SLC9C1: variants seen among roughly 807,000 people sequenced by gnomAD.
SLC9C1 encodes the protein solute carrier family 9 member C1.
Under a neutral mutation model 140.9 loss-of-function variants are expected in SLC9C1, and 97 were observed. That is an observed-to-expected ratio of 0.69 (90% CI 0.58 to 0.82). The LOEUF (loss-of-function observed/expected upper bound fraction) is 0.82. SLC9C1 is among the 40% of genes least tolerant of loss of function. The pLI is 0.00. For synonymous variants in SLC9C1, 440 were observed against 442.6 expected (o/e 0.99, Z 0.07); for missense variants, 1,340 against 1,389.3 (o/e 0.96, Z 0.56).
chr3:112,209,379 A>G (rs1267230512), intron 15 of SLC9C1, among the ~76,000 whole-genome samples: 1 of 152,120 alleles, frequency 6.6e-6, no homozygotes, highest in Non-Finnish European at 1.5e-5. Flanking sequence ...GCTTTTCTTG[A>G]TCTCTTCCAG....
chr3:112,229,820 A>T (rs958551898), intron 13 of SLC9C1, among the ~76,000 whole-genome samples: 1 of 152,176 alleles, frequency 6.6e-6, no homozygotes, highest in African/African-American at 2.4e-5. Context: ...GAGAAGGATC[A>T]AAATGTGCTG....
At chr3:112,197,802 C>G (rs1267404791) in intron 20 of SLC9C1, among the ~76,000 whole-genome samples, 1 of 152,038 alleles carries the variant, frequency 6.6e-6, no homozygotes, top group African/African-American at 2.4e-5. Context: ...CCTTAACTCC[C>G]TGACATGGTG....
intron 27 of SLC9C1, among the ~76,000 whole-genome samples, chr3:112,154,375 T>C (rs568516888): frequency 2.0e-5 from 3 of 152,308 alleles, no homozygotes; most frequent in African/African-American, 7.2e-5. Context: ...TTCTCTCTGC[T>C]CAGTTTCAGT....
At chr3:112,151,428 G>T in intron 28 of SLC9C1, 1 of 519,088 alleles carries the variant, frequency 1.9e-6, no homozygotes, top group South Asian at 1.4e-5. Flanking sequence ...TTCAGCTGGT[G>T]TTATCCACAG....
At chr3:112,257,715 G>C (rs9834013) in intron 10 of SLC9C1, among the ~76,000 whole-genome samples, 2 of 152,020 alleles carry the variant, frequency 1.3e-5, no homozygotes, top group African/African-American at 2.4e-5. Context: ...CTAATTAAAC[G>C]TAAGAGTTTC....
At chr3:112,187,038 G>A (rs557265678) in intron 20 of SLC9C1, among the ~76,000 whole-genome samples, 10 of 152,208 alleles carry the variant, frequency 6.6e-5, no homozygotes, top group African/African-American at 1.9e-4. Context: ...AGTTCAAAAG[G>A]TTTTTTACAC....
intron 28 of SLC9C1, among the ~76,000 whole-genome samples, chr3:112,145,529 T>C (rs1294726269): frequency 6.6e-6 from 1 of 151,442 alleles, no homozygotes; most frequent in Non-Finnish European, 1.5e-5. Context: ...TCAGTAGAAT[T>C]AGTACTAGCT....
At chr3:112,275,973 T>C (rs1020480989) in intron 5 of SLC9C1, among the ~76,000 whole-genome samples, 6 of 152,172 alleles carry the variant, frequency 3.9e-5, no homozygotes, top group Admixed American at 3.9e-4. Context: ...TCTGTAGGAA[T>C]ATAAGAGATA....
chr3:112,271,146 A>G (rs1298991835), intron 6 of SLC9C1, among the ~76,000 whole-genome samples: 2 of 152,016 alleles, frequency 1.3e-5, no homozygotes, highest in Non-Finnish European at 2.9e-5. Context: ...AGAGAGTAGA[A>G]TAATTATTAC....
At chr3:112,201,707 G>A (rs1313569913) in intron 18 of SLC9C1, among the ~76,000 whole-genome samples, 1 of 151,730 alleles carries the variant, frequency 6.6e-6, no homozygotes, top group Admixed American at 6.6e-5. Context: ...AACCTCTCTT[G>A]GCCTCCTTTT....
rs11720706 is a variant in SLC9C1, at chr3:112,202,860, T to C, written c.2173-461A>G. On this transcript the variant is annotated intron_variant, in intron 17 of 28. Transcript: ENST00000305815. Reference sequence around the variant, plus strand: ...CCCCAAAATTAACTTCACTTCTCTCTGTTTCTTTGCTGAGGGTTGAAGTCT... The same window carrying C: ...CCCCAAAATTAACTTCACTTCTCTCCGTTTCTTTGCTGAGGGTTGAAGTCT... Among the ~76,000 whole-genome samples the C allele has an allele frequency of 2.0e-3, 298 of 152,096 alleles. 2 individuals carry two copies. The highest frequency in any genetic ancestry group is 2.5e-3 in the Admixed American group (38 of 15,246).
At chr3:112,209,872 G>A (rs1343292791) in intron 15 of SLC9C1, among the ~76,000 whole-genome samples, 2 of 152,144 alleles carry the variant, frequency 1.3e-5, no homozygotes, top group Admixed American at 6.5e-5. Flanking sequence ...TTCATGGTTT[G>A]GAAGGCTTAA....
At chr3:112,245,344 A>G (rs1381584283) in intron 10 of SLC9C1, among the ~76,000 whole-genome samples, 2 of 152,084 alleles carry the variant, frequency 1.3e-5, no homozygotes, top group Non-Finnish European at 2.9e-5. Context: ...TCTTCAAAAA[A>G]TTTTACAGTT....
At chr3:112,165,661 G>T (rs2077112370) in intron 26 of SLC9C1, among the ~76,000 whole-genome samples, 1 of 152,204 alleles carries the variant, frequency 6.6e-6, no homozygotes, top group African/African-American at 2.4e-5. Flanking sequence ...CTAGCCATTT[G>T]AGGTGTCAGT....
At chr3:112,245,384 T>C (rs2079253762) in intron 10 of SLC9C1, among the ~76,000 whole-genome samples, 1 of 152,124 alleles carries the variant, frequency 6.6e-6, no homozygotes, top group Admixed American at 6.6e-5. Flanking sequence ...CTATGGTCCA[T>C]CTCAAATCAG....
intron 12 of SLC9C1, among the ~76,000 whole-genome samples, chr3:112,232,445 T>C (rs1017231552): frequency 3.3e-5 from 5 of 152,230 alleles, no homozygotes; most frequent in African/African-American, 1.2e-4. Flanking sequence ...GAGAAATCTT[T>C]GGATATGACA....
chr3:112,241,432 T>G (rs2108220934), intron 11 of SLC9C1, among the ~76,000 whole-genome samples: 1 of 152,230 alleles, frequency 6.6e-6, no homozygotes, highest in South Asian at 2.1e-4. Context: ...TAAAACACTG[T>G]GAAAGTAATC....
intron 14 of SLC9C1, among the ~76,000 whole-genome samples, chr3:112,218,009 A>G (rs1252240582): frequency 2.6e-5 from 4 of 152,154 alleles, no homozygotes; most frequent in Non-Finnish European, 4.4e-5. Flanking sequence ...CATCCAACTC[A>G]TATCACACAT....
chr3:112,146,714 T>G (rs961280355), intron 28 of SLC9C1, among the ~76,000 whole-genome samples: 2 of 152,206 alleles, frequency 1.3e-5, no homozygotes, highest in Admixed American at 6.5e-5. Flanking sequence ...GATTGAGACT[T>G]GCTTTATGGC....
Sources: allele counts gnomAD v4.1 joint callset (sites outside exome capture counted in the v4.1 genomes callset), GRCh38; gene constraint gnomAD v4.1.1; transcripts MANE v1.5; gene names NCBI Gene and HGNC (gene_info 2026-07-23, HGNC 2026-07-21).